KIRREL3: variants seen among roughly 807,000 people sequenced by gnomAD.
The protein encoded by KIRREL3 is kirre like nephrin family adhesion molecule 3.
A neutral mutation model predicts 89.7 loss-of-function variants in KIRREL3; 36 were observed. The observed-to-expected ratio is 0.40, with a 90% CI of 0.31 to 0.53. KIRREL3 has a LOEUF of 0.53. KIRREL3 is among the 20% of genes least tolerant of loss of function. The probability of loss-of-function intolerance (pLI) is 0.49; values close to 1 mark genes in which losing one functional copy is unlikely to be tolerated. For synonymous variants in KIRREL3, 445 were observed against 441.4 expected, an observed-to-expected ratio of 1.01 and a Z score of -0.10; for missense variants, 864 against 1,056.6, an observed-to-expected ratio of 0.82 and a Z score of 2.53.
rs1169809565 is a variant in KIRREL3 at position 126,570,864 on chromosome 11, G to A, written c.56-7952C>T. Among the ~76,000 whole-genome samples the A allele has an allele frequency of 6.6e-6, 1 of 152,204 alleles. No individual in the cohort carries two copies. Among genetic ancestry groups the A allele is most frequent in the African/African-American group, 2.4e-5 (1 of 41,452 alleles). Reference sequence around the variant, plus strand: ...TCCAAATCTCTGCTCACTGGCTTAAGTCTGTACATCTCAGGTGGGAAAAAA... The same window carrying A: ...TCCAAATCTCTGCTCACTGGCTTAAATCTGTACATCTCAGGTGGGAAAAAA... On this transcript the variant is annotated intron_variant, in intron 1 of 16. Coordinates refer to ENST00000525144, the MANE Select transcript of KIRREL3 (RefSeq NM_032531.4). This position sits in a 1 kb window ranked among gnomAD's most constrained non-coding sequence, Gnocchi z 6.1.
intron 4 of KIRREL3, among the ~76,000 whole-genome samples, chr11:126,511,260 G>A (rs189922206): frequency 4.6e-5 from 7 of 152,058 alleles, no homozygotes; most frequent in African/African-American, 1.7e-4. Context: ...GGAGGCAGAG[G>A]TTGCAGTGAG....
chr11:126,507,088 A>AT (rs911793197), intron 4 of KIRREL3, among the ~76,000 whole-genome samples: 3 of 152,096 alleles, frequency 2.0e-5, no homozygotes, highest in African/African-American at 7.2e-5. Context: ...TCTCAAACAC[A>AT]TTTTTCCAAG....
intron 1 of KIRREL3, among the ~76,000 whole-genome samples, chr11:126,785,872 C>CAAAAAAA (rs34526435): frequency 1.6e-4 from 6 of 37,804 alleles, no homozygotes; most frequent in African/African-American, 4.3e-4. Flanking sequence ...GACTCCGTCT[C>CAAAAAAA]AAAAAAAAAA....
At chr11:127,000,826 C>A, upstream of KIRREL3, 2 of 466,708 alleles carry the variant, frequency 4.3e-6, no homozygotes, top group East Asian at 6.7e-5. The surrounding 1 kb of genome is among the most constrained non-coding windows in gnomAD (Gnocchi z 7.1). Context: ...CCACAGTGAG[C>A]GAGCGAGCTA....
rs762441263 is a variant in KIRREL3 at position 126,664,673 on chromosome 11, A to T, written c.56-101761T>A. On this transcript the variant is annotated intron_variant, in intron 1 of 16. Coordinates refer to ENST00000525144, the MANE Select transcript of KIRREL3 (RefSeq NM_032531.4). This position sits in a 1 kb window ranked among gnomAD's most constrained non-coding sequence, Gnocchi z 5.4. Reference sequence around the variant, plus strand: ...TGCCAAAGCCAGTTCTCTCTTGGAGATGGCCACTGTTGCTCTCTGGGCTGT... The same window carrying T: ...TGCCAAAGCCAGTTCTCTCTTGGAGTTGGCCACTGTTGCTCTCTGGGCTGT... Among the ~76,000 whole-genome samples, 2 of 152,166 alleles carry T rather than the reference A, an allele frequency of 1.3e-5. No homozygotes were observed. Among genetic ancestry groups the T allele is most frequent in the Non-Finnish European group, 2.9e-5 (2 of 68,028 alleles).
chr11:126,474,632 A>G lies in KIRREL3; in HGVS notation c.434-1166T>C, dbSNP rs962761630. Among the ~76,000 whole-genome samples, 13 of 152,222 alleles carry G rather than the reference A, an allele frequency of 8.5e-5. No individual in the cohort carries two copies. Among genetic ancestry groups the G allele is most frequent in the Non-Finnish European group, 1.9e-4 (13 of 68,040 alleles). ...CCAGCCTTCCACTGCATTTTGTAGT[A>G]GGGTCAGAGACGGGTGGCTCCCATC... On this transcript the variant is annotated intron_variant, in intron 4 of 16. Coordinates refer to ENST00000525144, the MANE Select transcript of KIRREL3 (RefSeq NM_032531.4). This position sits in a 1 kb window ranked among gnomAD's most constrained non-coding sequence, Gnocchi z 6.7.
chr11:126,561,856 C>T lies in KIRREL3; in HGVS notation c.133+979G>A, dbSNP rs772353588. 6.6e-6 allele frequency among the ~76,000 whole-genome samples: 1 copy of T among 151,980 alleles called. No homozygotes were observed. Among genetic ancestry groups the T allele is most frequent in the Non-Finnish European group, 1.5e-5 (1 of 68,000 alleles). On this transcript the variant is annotated intron_variant, in intron 2 of 16. Coordinates refer to ENST00000525144, the MANE Select transcript of KIRREL3 (RefSeq NM_032531.4). The surrounding 1 kb of genome is among the most constrained non-coding windows in gnomAD (Gnocchi z 4.5). ...CGCATGGGGATGTGGTTGTCGTGGT[C>T]GGGGTTGGGAGGAGAGACAGCTGAG...
In KIRREL3 at chr11:126,664,057, G is replaced by T. The variant is rs146946087; in HGVS notation, c.56-101145C>A. Among the ~76,000 whole-genome samples, 1 of 152,216 alleles carries T rather than the reference G, an allele frequency of 6.6e-6. No individual in the cohort carries two copies. Among genetic ancestry groups the T allele is most frequent in the Non-Finnish European group, 1.5e-5 (1 of 68,038 alleles). ...GCACAAGGGAAATTAACCAGACTCT[G>T]CATGTTGTGGGAATTCTGCATGGCA... is the stretch of plus-strand genomic sequence containing the variant. On this transcript the variant is annotated intron_variant, in intron 1 of 16. Coordinates refer to ENST00000525144, the MANE Select transcript of KIRREL3 (RefSeq NM_032531.4). This position sits in a 1 kb window ranked among gnomAD's most constrained non-coding sequence, Gnocchi z 5.4.
rs1418165465 is a variant in KIRREL3, at chr11:126,773,737, C to T, written c.56-210825G>A. ...TGAGCTCCTTGGAGGCTGGGGCCCA[C>T]ATATATTATTTATCTCTATTATTGC... On this transcript the variant is annotated intron_variant, in intron 1 of 16. Coordinates refer to ENST00000525144, the MANE Select transcript of KIRREL3 (RefSeq NM_032531.4). The surrounding 1 kb of genome is among the most constrained non-coding windows in gnomAD (Gnocchi z 4.2). Among the ~76,000 whole-genome samples, 4 of 152,120 alleles carry T rather than the reference C, an allele frequency of 2.6e-5. No individual in the cohort carries two copies. Among genetic ancestry groups the T allele is most frequent in the Non-Finnish European group, 5.9e-5 (4 of 68,012 alleles).
At chr11:127,001,734 G>A (rs2135312057), upstream of KIRREL3, among the ~76,000 whole-genome samples, 1 of 151,964 alleles carries the variant, frequency 6.6e-6, no homozygotes, top group South Asian at 2.1e-4. Context: ...ATTTAGGCAT[G>A]CTTGGTATAA....
intron 1 of KIRREL3, among the ~76,000 whole-genome samples, chr11:126,707,070 C>T (rs1021413873): frequency 2.0e-5 from 3 of 151,852 alleles, no homozygotes; most frequent in African/African-American, 7.3e-5. Context: ...CTTCTTGGCT[C>T]AGCCTCTCAA....
intron 1 of KIRREL3, among the ~76,000 whole-genome samples, chr11:126,699,438 T>C (rs1947227755): frequency 6.6e-6 from 1 of 152,226 alleles, no homozygotes; most frequent in Non-Finnish European, 1.5e-5. Context: ...AATAGAAATA[T>C]AATGCGAGCT....
rs117137024 is a variant in KIRREL3 at position 126,867,268 on chromosome 11, G to A, written c.55+133187C>T. 4.2e-3 allele frequency among the ~76,000 whole-genome samples: 640 copies of A among 152,300 alleles called. 4 individuals carry two copies. The highest frequency in any genetic ancestry group is 6.9e-3 in the Non-Finnish European group (468 of 68,020). ...CCATGGGGATAAAGGAAATTCTCCC[G>A]TTTCAATAGCAGGTCTTCAGGACCT... On this transcript the variant is annotated intron_variant, in intron 1 of 16. Transcript: ENST00000525144. This position sits in a 1 kb window ranked among gnomAD's most constrained non-coding sequence, Gnocchi z 4.7.
rs1325446185 is a variant in KIRREL3 at position 126,550,959 on chromosome 11, C to T, written c.133+11876G>A. ...CACACCCTGGCACCTGTCACAAGTT[C>T]AGGCTTCCAGAACTTCTGGCAGACC... On this transcript the variant is annotated intron_variant, in intron 2 of 16. Transcript: ENST00000525144. The surrounding 1 kb of genome is among the most constrained non-coding windows in gnomAD (Gnocchi z 4.9). Among the ~76,000 whole-genome samples the T allele has an allele frequency of 6.6e-6, 1 of 152,192 alleles. No individual in the cohort carries two copies. Among genetic ancestry groups the T allele is most frequent in the Non-Finnish European group, 1.5e-5 (1 of 68,034 alleles).
Position 126,689,967 on chromosome 11 carries a change from T to G in KIRREL3, c.56-127055A>C, listed in dbSNP as rs1270480169. Among the ~76,000 whole-genome samples, 1 of 152,162 alleles carries G rather than the reference T, an allele frequency of 6.6e-6. No individual in the cohort carries two copies. The highest frequency in any genetic ancestry group is 1.5e-5 in the Non-Finnish European group (1 of 68,018). ...GAGTTGATGCTTCTTTTAGACCCTA[T>G]TTGTCTCCCGGCCTCACACTGCCTT... On this transcript the variant is annotated intron_variant, in intron 1 of 16. Coordinates refer to ENST00000525144, the MANE Select transcript of KIRREL3 (RefSeq NM_032531.4). This position sits in a 1 kb window ranked among gnomAD's most constrained non-coding sequence, Gnocchi z 5.2.
chr11:126,562,204 T>C lies in KIRREL3; in HGVS notation c.133+631A>G, dbSNP rs1319218591. On this transcript the variant is annotated intron_variant, in intron 2 of 16. Coordinates refer to ENST00000525144, the MANE Select transcript of KIRREL3 (RefSeq NM_032531.4). This position sits in a 1 kb window ranked among gnomAD's most constrained non-coding sequence, Gnocchi z 4.7. ...TTGGTTCTTTATTACAGCAGACCCG[T>C]AAGTGACAGCACTCCTCCTCCCAGC... Among the ~76,000 whole-genome samples, 1 of 152,092 alleles carries C rather than the reference T, an allele frequency of 6.6e-6. No homozygotes were observed. Among genetic ancestry groups the C allele is most frequent in the East Asian group, 1.9e-4 (1 of 5,186 alleles).
rs1947665541 is a variant in KIRREL3, at chr11:126,709,345, T to G, written c.56-146433A>C. Among the ~76,000 whole-genome samples the G allele has an allele frequency of 6.6e-6, 1 of 151,844 alleles. No individual in the cohort carries two copies. Among genetic ancestry groups the G allele is most frequent in the Non-Finnish European group, 1.5e-5 (1 of 67,988 alleles). The stretch of plus-strand genomic sequence containing the variant: ...ATCAGTCCTATCTCTTCCCCGGGAG[T>G]AGGGGTGGAGGGGCAGCACCCCCGG... On this transcript the variant is annotated intron_variant, in intron 1 of 16. Transcript: ENST00000525144. This position sits in a 1 kb window ranked among gnomAD's most constrained non-coding sequence, Gnocchi z 4.0.
intron 1 of KIRREL3, among the ~76,000 whole-genome samples, chr11:126,581,594 T>C (rs541848): frequency 0.3 from 46,306 of 152,152 alleles, 7,241 homozygotes; most frequent in Admixed American, 0.37. Flanking sequence ...GATAAAAGCA[T>C]ACATTGTGGA....
At chr11:126,730,326 A>T (rs1452107533) in intron 1 of KIRREL3, among the ~76,000 whole-genome samples, 1 of 152,176 alleles carries the variant, frequency 6.6e-6, no homozygotes, top group Non-Finnish European at 1.5e-5. Context: ...TGCACCATCA[A>T]CATCCCCTAA....
Sources: allele counts gnomAD v4.1 joint callset (sites outside exome capture counted in the v4.1 genomes callset), GRCh38; gene constraint gnomAD v4.1.1; non-coding constraint Gnocchi (gnomAD v3.1); transcripts MANE v1.5; gene names NCBI Gene and HGNC (gene_info 2026-07-23, HGNC 2026-07-21).